The following VPS8 variants were observed in gnomAD, a reference collection of about 807,000 sequenced individuals.
VPS8 encodes the protein VPS8 subunit of CORVET complex.
VPS8 carries 129 observed loss-of-function variants against 216.4 expected under a neutral mutation model. The ratio of observed to expected loss-of-function variants is 0.60; its 90% CI spans 0.52 to 0.69. The LOEUF is 0.69. VPS8 is among the 30% of genes least tolerant of loss of function. The pLI, the probability that VPS8 is intolerant of heterozygous loss-of-function variation, is 0.00. For synonymous variants in VPS8, 571 were observed against 565.4 expected (o/e 1.01, Z -0.14); for missense variants, 1,531 against 1,683.5 (o/e 0.91, Z 1.59).
intron 3 of VPS8, among the ~76,000 whole-genome samples, chr3:184,830,455 C>T (rs551076087): frequency 1.6e-3 from 155 of 96,174 alleles, no homozygotes; most frequent in South Asian, 0.01. Context: ...TTTATCAGTT[C>T]ACACACACAC....
At chr3:184,908,193 C>T (rs1338712105) in intron 25 of VPS8, among the ~76,000 whole-genome samples, 5 of 152,164 alleles carry the variant, frequency 3.3e-5, no homozygotes, top group Admixed American at 3.3e-4. Context: ...AAAATAAGCC[C>T]TGAAAATGGA....
In VPS8 at chr3:184,898,664, T is replaced by C. The variant is rs1434633513; in HGVS notation, c.2094+10T>C. ...TATTAGTCCAATGGAGGTAAGATAC[T>C]TCCTAACTTGGATACGTAATTAATT... On this transcript the variant is annotated intron_variant, in intron 24 of 47. Coordinates refer to ENST00000625842, the MANE Select transcript of VPS8 (RefSeq NM_001009921.3). 1 of 1,527,058 alleles carries C rather than the reference T, an allele frequency of 6.5e-7. No homozygotes were observed. Among genetic ancestry groups the C allele is most frequent in the Non-Finnish European group, 8.8e-7 (1 of 1,135,082 alleles). The allele number at this position is 1,527,058 out of a possible 1,614,324, so 94.6% of individuals were successfully genotyped here. A position where few individuals can be genotyped will look rare whatever the true frequency, so the allele number is the denominator to read the frequency against.
intron 15 of VPS8, among the ~76,000 whole-genome samples, 182 bp from the exon 16 acceptor site, chr3:184,862,715 A>G (rs1295509318): frequency 6.6e-6 from 1 of 152,224 alleles, no homozygotes; most frequent in Non-Finnish European, 1.5e-5. Context: ...TCAGTAGTAT[A>G]TTGTACCTAC....
At chr3:184,872,202 ACTCTGGC>A (rs1560472458) in intron 21 of VPS8, among the ~76,000 whole-genome samples, 1 of 152,080 alleles carries the variant, frequency 6.6e-6, no homozygotes, top group Non-Finnish European at 1.5e-5. Context: ...GGTTGTAGGA[ACTCTGGC>A]CTTTGGAAGG....
chr3:184,946,564 A>G (rs978084666), intron 36 of VPS8, among the ~76,000 whole-genome samples: 1 of 152,164 alleles, frequency 6.6e-6, no homozygotes, highest in Admixed American at 6.5e-5. Context: ...TTCAGTTCCC[A>G]TTACCTAAGG....
intron 46 of VPS8, among the ~76,000 whole-genome samples, chr3:185,038,845 TGGACTCATAATCCAGGGCAA>T (rs1393129927): frequency 6.6e-6 from 1 of 152,166 alleles, no homozygotes; most frequent in Non-Finnish European, 1.5e-5. Flanking sequence ...CTGCCTCTCC[TGGACTCATAATCCAGGGCAA>T]GGGTGATCAG....
intron 40 of VPS8, among the ~76,000 whole-genome samples, chr3:184,976,912 G>A (rs1216310913): frequency 6.6e-6 from 1 of 152,098 alleles, no homozygotes; most frequent in Admixed American, 6.6e-5. Flanking sequence ...TGATAGTGCT[G>A]CAGTCAACAT....
chr3:184,986,294 G>A (rs73053410), intron 42 of VPS8, among the ~76,000 whole-genome samples: 2,268 of 152,254 alleles, frequency 0.015, 29 homozygotes, highest in Middle Eastern at 0.031. Context: ...TTTTTTAAGT[G>A]TGCTCAGAAC....
chr3:184,967,947 G>A (rs187060537), intron 39 of VPS8, among the ~76,000 whole-genome samples: 24 of 151,800 alleles, frequency 1.6e-4, no homozygotes, highest in African/African-American at 5.1e-4. Flanking sequence ...GTATATTCAC[G>A]TAATTATATA....
intron 46 of VPS8, among the ~76,000 whole-genome samples, chr3:185,030,441 GAC>G (rs1757959756): frequency 1.3e-5 from 2 of 151,372 alleles, no homozygotes; most frequent in East Asian, 3.9e-4. Context: ...TCTGGCTGAA[GAC>G]TATCCTCAGG....
rs557718742 is a variant in VPS8, at chr3:184,887,210, A to C, written c.1781+1054A>C. Among the ~76,000 whole-genome samples, 107 of 152,126 alleles carry C rather than the reference A, an allele frequency of 7.0e-4. 1 individual carries two copies. The highest frequency in any genetic ancestry group is 2.5e-3 in the African/African-American group (103 of 41,506). Reference sequence around the variant, plus strand: ...AATTTTTAAAAAATTAGTTGGGCATAGTAGCATGTGCTTGTGGTCTCAGCT... The same window carrying C: ...AATTTTTAAAAAATTAGTTGGGCATCGTAGCATGTGCTTGTGGTCTCAGCT... On this transcript the variant is annotated intron_variant, in intron 22 of 47. Transcript: ENST00000625842.
chr3:184,871,012 C>T (rs979469268), intron 21 of VPS8, among the ~76,000 whole-genome samples: 75 of 152,066 alleles, frequency 4.9e-4, no homozygotes, highest in African/African-American at 1.7e-3. Flanking sequence ...TGTTACTTAG[C>T]GCTTAGCTGC....
chr3:185,005,962 T>C (rs1413647075), intron 45 of VPS8, among the ~76,000 whole-genome samples: 1 of 152,162 alleles, frequency 6.6e-6, no homozygotes, highest in East Asian at 1.9e-4. Context: ...GGCATCCTTG[T>C]CTTGTTGCAG....
intron 15 of VPS8, among the ~76,000 whole-genome samples, chr3:184,862,651 C>T (rs1215906870): frequency 3.3e-5 from 5 of 152,200 alleles, no homozygotes; most frequent in African/African-American, 7.2e-5. Context: ...AATCCACCTA[C>T]AGCTTTTAGT....
chr3:184,901,952 T>A (rs1298344091), intron 25 of VPS8, among the ~76,000 whole-genome samples: 1 of 152,224 alleles, frequency 6.6e-6, no homozygotes, highest in Non-Finnish European at 1.5e-5. Context: ...ATACTGTCAG[T>A]GTTTTAAAAT....
chr3:184,825,417 G>A (rs1718546522), intron 2 of VPS8, among the ~76,000 whole-genome samples: 1 of 151,958 alleles, frequency 6.6e-6, no homozygotes, highest in Non-Finnish European at 1.5e-5. Flanking sequence ...GTTTCTATGA[G>A]TATGAGAATA....
chr3:184,818,083 G>A (rs1413591523), intron 1 of VPS8, among the ~76,000 whole-genome samples: 3 of 152,060 alleles, frequency 2.0e-5, no homozygotes, highest in Non-Finnish European at 4.4e-5. Flanking sequence ...CAGACATGAA[G>A]GGAAAGTGGA....
intron 18 of VPS8, 81 bp downstream of exon 18, chr3:184,868,140 G>A (rs1237707471): frequency 4.8e-6 from 7 of 1,445,558 alleles, no homozygotes; most frequent in Non-Finnish European, 6.7e-6. Context: ...TTCAGAAGAA[G>A]ATTATTTGGT....
intron 40 of VPS8, among the ~76,000 whole-genome samples, chr3:184,973,416 G>A (rs553999632): frequency 6.6e-6 from 1 of 152,024 alleles, no homozygotes; most frequent in East Asian, 1.9e-4. Flanking sequence ...ACTAAAGAAT[G>A]TTCTTAATTG....
Sources: gnomAD v4.1 joint callset for allele counts (sites outside exome capture counted in the v4.1 genomes callset) on GRCh38, gnomAD v4.1.1 for gene constraint, MANE v1.5 for transcripts, NCBI Gene and HGNC (gene_info 2026-07-23, HGNC 2026-07-21) for gene names.